The following DNER variants were observed in gnomAD, a reference collection of about 807,000 sequenced individuals.
The protein encoded by DNER is delta and Notch-like epidermal growth factor-related receptor.
Under a neutral mutation model 78.2 loss-of-function variants are expected in DNER, and 33 were observed. The observed-to-expected ratio is 0.42, with a 90% CI of 0.32 to 0.56. DNER has a LOEUF of 0.56. Ranked by LOEUF, DNER falls within the 20% of genes least tolerant of loss-of-function variation. DNER has a pLI of 0.11. For synonymous variants in DNER, 417 were observed against 384.8 expected (o/e 1.08, Z -0.98); for missense variants, 918 against 975.3 (o/e 0.94, Z 0.78).
At chr2:229,544,219 C>T (rs1000967141) in intron 5 of DNER, among the ~76,000 whole-genome samples, 2 of 152,064 alleles carry the variant, frequency 1.3e-5, no homozygotes, top group Admixed American at 6.5e-5. Flanking sequence ...GGTTTCTCCT[C>T]GGGAAGAAGA....
intron 1 of DNER, among the ~76,000 whole-genome samples, chr2:229,641,463 AG>A (rs1270307243): frequency 6.6e-6 from 1 of 152,188 alleles, no homozygotes; most frequent in Admixed American, 6.5e-5. Flanking sequence ...CAAATGCAAA[AG>A]AACAATAGTT....
chr2:229,572,262 G>C (rs1289333087), intron 4 of DNER, among the ~76,000 whole-genome samples: 2 of 152,120 alleles, frequency 1.3e-5, no homozygotes, highest in Non-Finnish European at 2.9e-5. Context: ...GCCCCTTGGT[G>C]ACTACTCTCA....
chr2:229,469,640 G>A (rs1186879615), intron 7 of DNER, among the ~76,000 whole-genome samples: 2 of 152,190 alleles, frequency 1.3e-5, no homozygotes, highest in Admixed American at 1.3e-4. Context: ...AAGTTATGCT[G>A]AATAATAATG....
chr2:229,449,858 AC>A (rs1379182371), intron 7 of DNER, among the ~76,000 whole-genome samples: 5 of 152,222 alleles, frequency 3.3e-5, no homozygotes, highest in African/African-American at 9.6e-5. Flanking sequence ...ATCTTGGCTC[AC>A]TGCAACCTCT....
intron 11 of DNER, among the ~76,000 whole-genome samples, chr2:229,386,954 G>A (rs940749913): frequency 3.9e-5 from 6 of 152,070 alleles, no homozygotes; most frequent in African/African-American, 1.4e-4. Context: ...AATACCATTT[G>A]ACCCAGCAAT....
At chr2:229,465,223 A>T (rs1408576534) in intron 7 of DNER, among the ~76,000 whole-genome samples, 2 of 152,218 alleles carry the variant, frequency 1.3e-5, no homozygotes, top group Non-Finnish European at 2.9e-5. Context: ...AATGTGGTAC[A>T]TATACACCAT....
At chr2:229,709,233 T>C (rs1699876304) in intron 1 of DNER, among the ~76,000 whole-genome samples, 1 of 152,236 alleles carries the variant, frequency 6.6e-6, no homozygotes, top group Non-Finnish European at 1.5e-5. Context: ...TCTTGCATAC[T>C]TCTTTACACT....
rs1324950392 is a variant in DNER at position 229,565,564 on chromosome 2, T to A, written c.848-18472A>T. Among the ~76,000 whole-genome samples the A allele has an allele frequency of 9.9e-5, 15 of 152,170 alleles. No individual in the cohort carries two copies. In the South Asian group the frequency reaches 3.1e-3, roughly 32 times the overall value. On this transcript the variant is annotated intron_variant, in intron 4 of 12. Coordinates refer to ENST00000341772, the MANE Select transcript of DNER (RefSeq NM_139072.4). ...AACCAGAAACTAATACAAGACAGAT[T>A]GGTTGGCATAATGGTATAAAAATAT...
intron 11 of DNER, among the ~76,000 whole-genome samples, chr2:229,370,966 T>G (rs986870461): frequency 6.6e-6 from 1 of 152,250 alleles, no homozygotes; most frequent in Non-Finnish European, 1.5e-5. Context: ...CTCAGTGCAG[T>G]GTCCCAGGTC....
At chr2:229,551,579 A>G (rs1312165456) in intron 4 of DNER, among the ~76,000 whole-genome samples, 3 of 152,042 alleles carry the variant, frequency 2.0e-5, no homozygotes, top group African/African-American at 7.3e-5. Context: ...GGTTGCAGTG[A>G]GCCAAAATCG....
rs1307992490 is a variant in DNER, at chr2:229,597,026, C to T, written c.277-5138G>A. ...ATATACATGCACACACACATGCACA[C>T]GCACACATATACATGTACACACATG... On this transcript the variant is annotated intron_variant, in intron 1 of 12. Transcript: ENST00000341772. 7.4e-5 allele frequency among the ~76,000 whole-genome samples: 10 copies of T among 135,626 alleles called. 1 individual carries two copies. The highest frequency in any genetic ancestry group is 4.7e-4 in the South Asian group (2 of 4,212). The allele number at this position is 135,626 out of a possible 152,430, so 89.0% of individuals were successfully genotyped here. A position where few individuals can be genotyped will look rare whatever the true frequency, so the allele number is the denominator to read the frequency against.
intron 10 of DNER, among the ~76,000 whole-genome samples, chr2:229,394,986 C>G (rs1301525050): frequency 1.3e-5 from 2 of 152,188 alleles, no homozygotes; most frequent in African/African-American, 2.4e-5. Flanking sequence ...TTCTGACAGT[C>G]TGGGATCCCT....
intron 7 of DNER, among the ~76,000 whole-genome samples, chr2:229,474,360 C>T (rs1364798982): frequency 6.6e-6 from 1 of 152,216 alleles, no homozygotes; most frequent in Non-Finnish European, 1.5e-5. Flanking sequence ...CCACACATTC[C>T]AGCAAATTCT....
At chr2:229,429,439 C>T (rs531105038) in intron 8 of DNER, among the ~76,000 whole-genome samples, 6 of 152,180 alleles carry the variant, frequency 3.9e-5, no homozygotes, top group East Asian at 1.9e-4. Context: ...TAGGAGGACA[C>T]GGGCCTGGCA....
At chr2:229,704,110 C>T (rs987078641) in intron 1 of DNER, among the ~76,000 whole-genome samples, 2 of 152,272 alleles carry the variant, frequency 1.3e-5, no homozygotes, top group African/African-American at 2.4e-5. Flanking sequence ...ATGTTCAACA[C>T]CATTAATCAT....
intron 9 of DNER, among the ~76,000 whole-genome samples, chr2:229,413,187 T>G (rs1405146837): frequency 6.6e-6 from 1 of 152,026 alleles, no homozygotes; most frequent in Admixed American, 6.6e-5. Flanking sequence ...TTCTGGGCCA[T>G]TCTTCAGTTT....
At chr2:229,460,802 T>C (rs1014045356) in intron 7 of DNER, among the ~76,000 whole-genome samples, 1 of 152,112 alleles carries the variant, frequency 6.6e-6, no homozygotes, top group South Asian at 2.1e-4. Flanking sequence ...GTCAACCTGA[T>C]AGTGATCACA....
chr2:229,553,420 G>A lies in DNER; in HGVS notation c.848-6328C>T, dbSNP rs188581968. ...AGGAAATCAGAGGCACTCATACATA[G>A]AGAGAAGGAAGCCCTGCGAAGATGT... On this transcript the variant is annotated intron_variant, in intron 4 of 12. Coordinates refer to ENST00000341772, the MANE Select transcript of DNER (RefSeq NM_139072.4). Among the ~76,000 whole-genome samples, 4 of 152,298 alleles carry A rather than the reference G, an allele frequency of 2.6e-5. No homozygotes were observed. The East Asian group carries it at 5.8e-4, about 22-fold the overall frequency.
chr2:229,505,762 G>A (rs1383526070), intron 6 of DNER, among the ~76,000 whole-genome samples: 3 of 152,160 alleles, frequency 2.0e-5, no homozygotes, highest in African/African-American at 7.2e-5. Context: ...AAAACAATAT[G>A]ATGTAAATGT....
Sources: allele counts gnomAD v4.1 joint callset (sites outside exome capture counted in the v4.1 genomes callset), GRCh38; gene constraint gnomAD v4.1.1; transcripts MANE v1.5; gene names NCBI Gene and HGNC (gene_info 2026-07-23, HGNC 2026-07-21).